Variants in BCAN observed in about 807,000 individuals in gnomAD.
The protein encoded by BCAN is brevican core protein.
In BCAN, 51 loss-of-function variants were observed where a neutral mutation model predicts 92.4. That is an observed-to-expected ratio of 0.55 (90% CI 0.44 to 0.70). BCAN has a LOEUF of 0.70. BCAN is among the 30% of genes least tolerant of loss of function. The probability of loss-of-function intolerance (pLI) is 0.00; values close to 1 mark genes in which losing one functional copy is unlikely to be tolerated. For synonymous variants in BCAN, 501 were observed against 505.2 expected, an observed-to-expected ratio of 0.99 and a Z score of 0.11; for missense variants, 1,140 against 1,212.1, an observed-to-expected ratio of 0.94 and a Z score of 0.88.
intron 7 of BCAN, 30 bp downstream of exon 7, chr1:156,651,719 C>A: frequency 6.4e-7 from 1 of 1,560,458 alleles, no homozygotes; most frequent in South Asian, 1.2e-5. Context: ...CTAAGGATGT[C>A]TTGATTGAAA....
chr1:156,656,248 C>A, intron 8 of BCAN, 34 bp from the exon 9 acceptor site: 1 of 1,424,224 alleles, frequency 7.0e-7, no homozygotes. Flanking sequence ...GCGGCTGCCT[C>A]GCTCCCCCCG....
intron 9 of BCAN, 72 bp downstream of exon 9, chr1:156,656,461 A>T: frequency 8.5e-7 from 1 of 1,179,956 alleles, no homozygotes; most frequent in South Asian, 2.9e-5. Flanking sequence ...TGGAGGGGGG[A>T]GGGAGAACAT....
At chr1:156,657,792 C>T (rs970101570) in intron 11 of BCAN, 35 bp downstream of exon 11, 4 of 1,575,410 alleles carry the variant, frequency 2.5e-6, no homozygotes, top group African/African-American at 1.4e-5. Context: ...CCGTCTAGCT[C>T]ACTTCCTCTA....
chr1:156,647,980 T>G lies in BCAN; in HGVS notation c.642-3T>G. On this transcript the variant is annotated splice_polypyrimidine_tract_variant and splice_region_variant and intron_variant, in intron 4 of 13. Coordinates refer to ENST00000329117, the MANE Select transcript of BCAN (RefSeq NM_021948.5). This position sits in a 1 kb window ranked among gnomAD's most constrained non-coding sequence, Gnocchi z 4.8. The stretch of plus-strand genomic sequence containing the variant: ...ACTAAGTGATTCTGTCCTTCCTCCC[T>G]AGGTATCCCATCCAGACCCCACGAG... 1.2e-6 allele frequency: 2 copies of G among 1,612,826 alleles called. No homozygotes were observed. Among genetic ancestry groups the G allele is most frequent in the Non-Finnish European group, 1.7e-6 (2 of 1,178,944 alleles).
intron 11 of BCAN, 148 bp downstream of exon 11, chr1:156,657,905 T>C: frequency 2.4e-6 from 2 of 827,388 alleles, no homozygotes; most frequent in South Asian, 3.7e-5. Flanking sequence ...CCCTGGGCTC[T>C]CCTCCCTTCG....
Position 156,647,790 on chromosome 1 carries a change from G to T in BCAN, c.641+108G>T. 1 of 1,541,194 alleles carries T rather than the reference G, an allele frequency of 6.5e-7. No individual in the cohort carries two copies. Among genetic ancestry groups the T allele is most frequent in the Non-Finnish European group, 8.9e-7 (1 of 1,127,308 alleles). On this transcript the variant is annotated intron_variant, in intron 4 of 13. Coordinates refer to ENST00000329117, the MANE Select transcript of BCAN (RefSeq NM_021948.5). The surrounding 1 kb of genome is among the most constrained non-coding windows in gnomAD (Gnocchi z 4.8). ...TCAGGCTGGACATGCAGGGCTTTTTGCCTCTGGGGGATGAGGCTGGTCTGA... is the reference window on the plus strand; with the variant it reads ...TCAGGCTGGACATGCAGGGCTTTTTTCCTCTGGGGGATGAGGCTGGTCTGA...
At chr1:156,655,370 G>T (rs890042197) in intron 8 of BCAN, among the ~76,000 whole-genome samples, 6 of 152,238 alleles carry the variant, frequency 3.9e-5, no homozygotes, top group Non-Finnish European at 8.8e-5. Context: ...AGTCTAAGAG[G>T]ACTGCCTGGA....
rs139238238 is a variant in BCAN, at chr1:156,649,756, C to G, written c.1063+895C>G. The G allele has an allele frequency of 8.5e-3, 3,454 of 408,670 alleles. 45 individuals carry two copies. The highest frequency in any genetic ancestry group is 8.1e-3 in the Non-Finnish European group (1,693 of 208,766). 25.3% of individuals were successfully genotyped at this position (408,670 alleles called of 1,614,324 possible). ...AGCGGGAGGCAGTTTCTGGGACTCT[C>G]AGATGCAAAAGGCCCAGGCCAAGGG... On this transcript the variant is annotated intron_variant, in intron 6 of 13. Transcript: ENST00000329117.
Position 156,657,081 on chromosome 1 carries a change from C to A in BCAN, c.2194C>A (p.Gln732Lys). 1 of 1,613,642 alleles carries A rather than the reference C, an allele frequency of 6.2e-7. No individual in the cohort carries two copies. Among genetic ancestry groups the A allele is most frequent in the Non-Finnish European group, 8.5e-7 (1 of 1,179,592 alleles). ...HLASISTPEE[Q>K]DFINNRYREY... The stretch of plus-strand genomic sequence containing the variant: ...GGCCAGCATCAGCACACCCGAGGAA[C>A]AGGACTTCATCAACAGTGGGCTGGG... Residue 732 changes from glutamine to lysine, a missense_variant, in exon 10 of 14, where the codon CAG becomes AAG. Transcript: ENST00000329117.
intron 6 of BCAN, 26 bp from the exon 7 acceptor site, chr1:156,651,430 G>T (rs369888202): frequency 5.0e-6 from 8 of 1,587,598 alleles, no homozygotes; most frequent in Non-Finnish European, 6.9e-6. Flanking sequence ...ATTCAGGCTC[G>T]CATCAATACT....
At chr1:156,643,211 G>T (rs767910225) in intron 1 of BCAN, 1 of 152,220 alleles carries the variant, frequency 6.6e-6, no homozygotes, top group Non-Finnish European at 1.5e-5. Context: ...CAGTGCCTAT[G>T]TTGCTATGGC....
At chr1:156,652,138 T>TA in intron 7 of BCAN, 110 bp from the exon 8 acceptor site, 1 of 1,436,866 alleles carries the variant, frequency 7.0e-7, no homozygotes, top group Non-Finnish European at 9.4e-7. Context: ...GTCTCTTCCC[T>TA]ATTCCCCAGG....
Position 156,653,025 on chromosome 1 carries a change from T to TTACCCACCTCTAC in BCAN, c.1942+134_1942+146dup, listed in dbSNP as rs1571448232. ...TCTCCTGTCCTTTGCCTTCATTCTC[T>TTACCCACCTCTAC]TACCCACCTCTACCTATGGGTCTCC... is the stretch of plus-strand genomic sequence containing the variant. On this transcript the variant is annotated intron_variant, in intron 8 of 13. Coordinates refer to ENST00000329117, the MANE Select transcript of BCAN (RefSeq NM_021948.5). The TTACCCACCTCTAC allele has an allele frequency of 9.9e-6, 15 of 1,519,588 alleles. No homozygotes were observed. In the East Asian group the frequency reaches 3.4e-4, roughly 35 times the overall value. 94.1% of individuals were successfully genotyped at this position (1,519,588 alleles called of 1,614,324 possible).
rs147658469 is a variant in BCAN at position 156,651,645 on chromosome 1, G to A, written c.1253G>A (p.Ser418Asn). The change falls in exon 7 of 14, where the codon AGC (serine) becomes AAC (asparagine). Residue 418 changes from serine (S) to asparagine (N), a missense_variant. Physicochemically the swap from Ser to Asn is conservative, Grantham distance 46 (BLOSUM62 1). This residue lies in a region of BCAN where 825 missense variants were observed against 871.8 expected (regional missense o/e 0.95). Coordinates refer to ENST00000329117, the MANE Select transcript of BCAN (RefSeq NM_021948.5). ...IPIMEDGGGG[S>N]STPEDPAEAP... Reference sequence around the variant, plus strand: ...ATCATGGAGGACGGAGGAGGTGGAAGCTCCACTCCAGAAGACCCAGCAGAG... The same window carrying A: ...ATCATGGAGGACGGAGGAGGTGGAAACTCCACTCCAGAAGACCCAGCAGAG... 9.3e-6 allele frequency: 15 copies of A among 1,613,594 alleles called. No individual in the cohort carries two copies. Among genetic ancestry groups the A allele is most frequent in the Admixed American group, 1.7e-5 (1 of 60,008 alleles).
At position 156,657,074 on chromosome 1, in the gene BCAN, C is replaced by G; in HGVS notation, c.2187C>G (p.Pro729=). 2 of 1,614,020 alleles carry G rather than the reference C, an allele frequency of 1.2e-6. No individual in the cohort carries two copies. Among genetic ancestry groups the G allele is most frequent in the Non-Finnish European group, 1.7e-6 (2 of 1,179,904 alleles). ...YGAHLASIST[P]EEQDFINNRY... ...CGCATCTGGCCAGCATCAGCACACC[C>G]GAGGAACAGGACTTCATCAACAGTG... Residue 729 remains proline (P), a synonymous_variant, in exon 10 of 14, where the codon CCC becomes CCG. Transcript: ENST00000329117.
rs2102557384 is a variant in BCAN, at chr1:156,647,201, G to A, written c.466+26G>A. 7.1e-7 allele frequency: 1 copy of A among 1,405,834 alleles called. No individual in the cohort carries two copies. 87.1% of individuals were successfully genotyped at this position (1,405,834 alleles called of 1,614,324 possible). On this transcript the variant is annotated intron_variant, in intron 3 of 13. Transcript: ENST00000329117. This position sits in a 1 kb window ranked among gnomAD's most constrained non-coding sequence, Gnocchi z 4.8. ...GTGAGAGGGCAGGGAGGTTCCAGAG[G>A]GAGGGAGGGAGGGAGGGAAGGGAGG...
In BCAN at chr1:156,646,684, G is replaced by C. The variant is rs927840743; in HGVS notation, c.92-117G>C. 29 of 1,454,118 alleles carry C rather than the reference G, an allele frequency of 2.0e-5. No homozygotes were observed. In the East Asian group the frequency reaches 6.7e-4, roughly 34 times the overall value. The allele number at this position is 1,454,118 out of a possible 1,614,324, so 90.1% of individuals were successfully genotyped here. On this transcript the variant is annotated intron_variant, in intron 2 of 13. Coordinates refer to ENST00000329117, the MANE Select transcript of BCAN (RefSeq NM_021948.5). ...CCTGGCCCCTGGCCCCTGGTCCTAG[G>C]GGGGCCGGGGAATCCTGGGGCCGGA...
chr1:156,648,866 GC>G lies in BCAN; in HGVS notation c.1063+8del. 6.5e-7 allele frequency: 1 copy of G among 1,549,660 alleles called. No homozygotes were observed. ...TCAACGTCTACTGCTTCCGAGGTGAGCCCACCTCCCTGCAGAAGCTGAGACC... is the reference window on the plus strand; with the variant it reads ...TCAACGTCTACTGCTTCCGAGGTGAGCCACCTCCCTGCAGAAGCTGAGACC... On this transcript the variant is annotated splice_donor_region_variant and intron_variant, in intron 6 of 13. Coordinates refer to ENST00000329117, the MANE Select transcript of BCAN (RefSeq NM_021948.5).
Position 156,658,684 on chromosome 1 carries a change from A to C in BCAN, c.2579A>C (p.Glu860Ala). 1 of 1,614,164 alleles carries C rather than the reference A, an allele frequency of 6.2e-7. No homozygotes were observed. The highest frequency in any genetic ancestry group is 8.5e-7 in the Non-Finnish European group (1 of 1,180,054). The change falls in exon 13 of 14, where the codon GAG becomes GCG. Residue 860 changes from glutamate to alanine, a missense_variant. Transcript: ENST00000329117. This position sits in a 1 kb window ranked among gnomAD's most constrained non-coding sequence, Gnocchi z 4.4. ...QRNLPLIRCQ[E>A]NGRWEAPQIS... ...AATCTGCCGCTGATCCGATGCCAAGAGAACGGTCGTTGGGAGGCCCCCCAG... is the reference window on the plus strand; with the variant it reads ...AATCTGCCGCTGATCCGATGCCAAGCGAACGGTCGTTGGGAGGCCCCCCAG...
Sources: allele counts gnomAD v4.1 joint callset (sites outside exome capture counted in the v4.1 genomes callset), GRCh38; gene constraint gnomAD v4.1.1; regional missense constraint gnomAD v4.1.1; non-coding constraint Gnocchi (gnomAD v3.1); transcripts MANE v1.5; gene names NCBI Gene and HGNC (gene_info 2026-07-23, HGNC 2026-07-21).